Variants in DNAH10 observed in about 807,000 individuals in gnomAD.
The protein encoded by DNAH10 is dynein axonemal heavy chain 10, also known as axonemal beta dynein heavy chain 10.
Under a neutral mutation model 506.6 loss-of-function variants are expected in DNAH10, and 348 were observed. The observed-to-expected ratio is 0.69, with a 90% CI of 0.63 to 0.75. The LOEUF is 0.75. DNAH10 is among the 30% of genes least tolerant of loss of function. The probability of loss-of-function intolerance (pLI) is 0.00; values close to 1 mark genes in which losing one functional copy is unlikely to be tolerated. For missense variants in DNAH10, 5,179 were observed against 5,787.1 expected (o/e 0.89, Z 3.41); for synonymous variants, 2,059 against 2,198.6 (o/e 0.94, Z 1.78).
chr12:123,857,335 T>A, intron 37 of DNAH10, 88 bp downstream of exon 37: 1 of 1,166,862 alleles, frequency 8.6e-7, no homozygotes, highest in Non-Finnish European at 1.2e-6. Context: ...ATATGTACAG[T>A]AAAATACGCA....
At chr12:123,924,708 A>G (rs79386243) in intron 67 of DNAH10, among the ~76,000 whole-genome samples, 8,395 of 145,498 alleles carry the variant, frequency 0.058, 720 homozygotes, top group African/African-American at 0.19. Context: ...TCATCTACCC[A>G]TCTGCCCACC....
chr12:123,783,825 CCCCTGAAGA>C, intron 7 of DNAH10, 113 bp from the exon 8 acceptor site: 2 of 858,384 alleles, frequency 2.3e-6, no homozygotes, highest in South Asian at 3.4e-5. Flanking sequence ...CAAGAGCCCA[CCCCTGAAGA>C]CCCTGAAGGA....
chr12:123,770,230 A>T (rs746169057), intron 2 of DNAH10, among the ~76,000 whole-genome samples: 10 of 151,940 alleles, frequency 6.6e-5, no homozygotes, highest in Non-Finnish European at 7.4e-5. Context: ...CCTGGGTGAC[A>T]CAGTGAGATT....
chr12:123,819,011 A>G lies in DNAH10; in HGVS notation c.3842A>G (p.Asn1281Ser). The change falls in exon 22 of 79, where the codon AAT (asparagine) becomes AGT (serine). Residue 1281 changes from asparagine (N) to serine (S), a missense_variant. Asn to Ser is a conservative substitution (Grantham distance 46). Transcript: ENST00000673944. ...GAGAGCATATGGTCCAATCTGTTTA[A>G]TGATTCAGTGAATGTGGAGCATGCT... ...KIESIWSNLF[N>S]DSVNVEHALG... The G allele has an allele frequency of 2.5e-6, 4 of 1,608,150 alleles. No individual in the cohort carries two copies. Among genetic ancestry groups the G allele is most frequent in the East Asian group, 2.2e-5 (1 of 44,818 alleles).
intron 33 of DNAH10, among the ~76,000 whole-genome samples, chr12:123,848,375 G>A (rs1161111831): frequency 2.0e-5 from 3 of 152,330 alleles, no homozygotes; most frequent in East Asian, 1.9e-4. Context: ...GGGATCTGTG[G>A]CTAACTGGAG....
chr12:123,835,240 G>A (rs1294220221), intron 27 of DNAH10, among the ~76,000 whole-genome samples, 166 bp from the exon 28 acceptor site: 1 of 152,164 alleles, frequency 6.6e-6, no homozygotes, highest in Non-Finnish European at 1.5e-5. Context: ...CATTCATTTG[G>A]AGTGGAGGGG....
intron 11 of DNAH10, 30 bp downstream of exon 11, chr12:123,790,151 G>C (rs1958025155): frequency 1.2e-6 from 2 of 1,600,266 alleles, no homozygotes; most frequent in Non-Finnish European, 1.7e-6. Flanking sequence ...AGTCCATCTT[G>C]GGAGTCGACA....
rs771951242 is a variant in DNAH10 at position 123,878,349 on chromosome 12, A to C, written c.8372+441A>C. On this transcript the variant is annotated intron_variant, in intron 48 of 78. Transcript: ENST00000673944. ...ATTAAAACTAGGCTTATACCTTTAC[A>C]TGAATGTCTACTTTAGTCTATGTGG... Among the ~76,000 whole-genome samples, 23 of 152,224 alleles carry C rather than the reference A, an allele frequency of 1.5e-4. 1 individual carries two copies. Among genetic ancestry groups the C allele is most frequent in the Admixed American group, 1.4e-3 (21 of 15,282 alleles).
At chr12:123,912,303 T>G (rs1594362966) in intron 59 of DNAH10, among the ~76,000 whole-genome samples, 2 of 11,294 alleles carry the variant, frequency 1.8e-4, no homozygotes, top group Admixed American at 1.4e-3. Flanking sequence ...CTGGGGGGGG[T>G]CTGTCCTGGG....
At chr12:123,872,195 G>A (rs1157399709) in intron 45 of DNAH10, among the ~76,000 whole-genome samples, 1 of 152,092 alleles carries the variant, frequency 6.6e-6, no homozygotes, top group Non-Finnish European at 1.5e-5. Context: ...CCTCCAGCCA[G>A]CTATGTGTCC....
At chr12:123,887,880 G>A (rs1257828364) in intron 52 of DNAH10, among the ~76,000 whole-genome samples, 4 of 152,074 alleles carry the variant, frequency 2.6e-5, no homozygotes, top group Admixed American at 2.0e-4. Flanking sequence ...GAGTAGCTGG[G>A]ACTACAGGCA....
Position 123,813,586 on chromosome 12 carries a change from A to T in DNAH10, c.3567A>T (p.Lys1189Asn). 1 of 1,614,156 alleles carries T rather than the reference A, an allele frequency of 6.2e-7. No homozygotes were observed. The highest frequency in any genetic ancestry group is 8.5e-7 in the Non-Finnish European group (1 of 1,180,018). Residue 1189 changes from lysine to asparagine, a missense_variant, in exon 20 of 79, where the codon AAA (lysine) becomes AAT (asparagine). Physicochemically the swap from Lys to Asn is moderately conservative, Grantham distance 94. Around this residue, in one of 3 missense-constraint regions of DNAH10, gnomAD observed 4,844 missense variants for 5,430.5 expected, o/e 0.89. Coordinates refer to ENST00000673944, the MANE Select transcript of DNAH10 (RefSeq NM_001372106.1). ...NAKSWVISLG[K>N]LLNESAKEEL... ...AGTCCTGGGTGATTTCGCTTGGAAA[A>T]CTTCTCAATGAGTCAGCAAAAGAGG...
intron 29 of DNAH10, among the ~76,000 whole-genome samples, chr12:123,838,915 T>C (rs944883778): frequency 7.2e-5 from 11 of 152,148 alleles, no homozygotes; most frequent in African/African-American, 2.7e-4. Context: ...CCGACTCAAG[T>C]GATCTGCCAC....
In DNAH10 at chr12:123,887,127, G is replaced by T. The variant is rs138861747; in HGVS notation, c.8824-15G>T. The stretch of plus-strand genomic sequence containing the variant: ...GGTGGTGGTGACGCCCATGTGCTCT[G>T]TGTCTGCATCGCAGGTGTTTGAGAT... On this transcript the variant is annotated splice_polypyrimidine_tract_variant and intron_variant, in intron 51 of 78. Transcript: ENST00000673944. 2.9e-4 allele frequency: 464 copies of T among 1,593,870 alleles called. 1 individual carries two copies. Among genetic ancestry groups the T allele is most frequent in the Non-Finnish European group, 3.8e-4 (439 of 1,170,284 alleles).
intron 26 of DNAH10, among the ~76,000 whole-genome samples, chr12:123,831,751 G>A (rs1442595721): frequency 2.2e-4 from 13 of 58,322 alleles, no homozygotes; most frequent in Admixed American, 1.6e-3. Flanking sequence ...AAAATTAGCC[G>A]GGTGTGGTGC....
chr12:123,865,838 G>T (rs1200076673), intron 40 of DNAH10, 113 bp from the exon 41 acceptor site: 21 of 1,079,974 alleles, frequency 1.9e-5, no homozygotes, highest in Non-Finnish European at 2.7e-5. Flanking sequence ...GTTGATTTTG[G>T]TATTATTTGG....
Position 123,926,248 on chromosome 12 carries a change from AAAAAAAAG to A in DNAH10, c.11922-383_11922-376del, listed in dbSNP as rs1250694606. Among the ~76,000 whole-genome samples the A allele has an allele frequency of 2.6e-5, 4 of 151,376 alleles. No individual in the cohort carries two copies. Among genetic ancestry groups the A allele is most frequent in the African/African-American group, 9.7e-5 (4 of 41,300 alleles). On this transcript the variant is annotated intron_variant, in intron 68 of 78. Transcript: ENST00000673944. This position sits in a 1 kb window ranked among gnomAD's most constrained non-coding sequence, Gnocchi z 4.1. ...TATATATTTCAATTTAAAAAAAAAA[AAAAAAAAG>A]AAAAAGAAAAAACCCACACACAAAA... is the stretch of plus-strand genomic sequence containing the variant.
At chr12:123,873,854 A>C in intron 46 of DNAH10, 144 bp downstream of exon 46, 1 of 1,088,906 alleles carries the variant, frequency 9.2e-7, no homozygotes. Flanking sequence ...GCGGGGAGCC[A>C]GCCTAAGGCA....
In DNAH10 at chr12:123,776,871, A is replaced by G. The variant is rs185591391; in HGVS notation, c.621+2607A>G. ...GCCTCGTGGAGCTTTCATTCTAGAC[A>G]GGAAGATGTACATTAACCAAGATCA... On this transcript the variant is annotated intron_variant, in intron 5 of 78. Transcript: ENST00000673944. 2.1e-3 allele frequency among the ~76,000 whole-genome samples: 319 copies of G among 152,302 alleles called. 2 individuals are homozygous for G. The highest frequency in any genetic ancestry group is 7.2e-3 in the African/African-American group (300 of 41,572).
Sources: gnomAD v4.1 joint callset for allele counts (sites outside exome capture counted in the v4.1 genomes callset) on GRCh38, gnomAD v4.1.1 for gene constraint, gnomAD v4.1.1 regional missense constraint, Gnocchi (gnomAD v3.1) non-coding constraint, MANE v1.5 for transcripts, NCBI Gene and HGNC (gene_info 2026-07-23, HGNC 2026-07-21) for gene names.